Variants in CYP2C19 observed in about 807,000 individuals in gnomAD.
CYP2C19 encodes cytochrome P450 2C19.
Under a neutral mutation model 40.9 loss-of-function variants are expected in CYP2C19, and 59 were observed. The ratio of observed to expected loss-of-function variants is 1.44; its 90% CI spans 1.17 to 1.79. The LOEUF is 1.79. Among genes scored for constraint, CYP2C19 ranks in the 40% most tolerant of loss-of-function variants. The pLI is 0.00. For missense variants in CYP2C19, 754 were observed against 596.9 expected, an observed-to-expected ratio of 1.26 and a Z score of -2.74; for synonymous variants, 253 against 208.7, an observed-to-expected ratio of 1.21 and a Z score of -1.83.
intron 5 of CYP2C19, among the ~76,000 whole-genome samples, chr10:94,809,454 T>C (rs1848882473): frequency 6.6e-6 from 1 of 152,156 alleles, no homozygotes. Flanking sequence ...ATCCCATTTG[T>C]CCATTTTTAC....
intron 7 of CYP2C19, among the ~76,000 whole-genome samples, chr10:94,849,165 T>G (rs1013309759): frequency 6.6e-6 from 1 of 151,852 alleles, no homozygotes; most frequent in Non-Finnish European, 1.5e-5. Context: ...CTTTAAGTCA[T>G]AGTCTACACA....
chr10:94,772,336 G>C (rs985395994), intron 1 of CYP2C19, among the ~76,000 whole-genome samples: 1 of 152,072 alleles, frequency 6.6e-6, no homozygotes, highest in African/African-American at 2.4e-5. Flanking sequence ...GTGAGCCCGG[G>C]TGCCTAAAGA....
At chr10:94,801,013 C>A (rs935949460) in intron 5 of CYP2C19, among the ~76,000 whole-genome samples, 13 of 152,180 alleles carry the variant, frequency 8.5e-5, no homozygotes, top group Admixed American at 4.6e-4. Flanking sequence ...AGCTCACCCT[C>A]CATGGGCTGC....
chr10:94,830,095 C>A (rs1353232536), intron 6 of CYP2C19, among the ~76,000 whole-genome samples: 1 of 152,172 alleles, frequency 6.6e-6, no homozygotes, highest in African/African-American at 2.4e-5. Context: ...GCAGAGGTTA[C>A]TGCTGTCTTT....
At chr10:94,833,671 C>G (rs1313415147) in intron 6 of CYP2C19, among the ~76,000 whole-genome samples, 1 of 152,176 alleles carries the variant, frequency 6.6e-6, no homozygotes, top group Non-Finnish European at 1.5e-5. Context: ...AATTGGAAAT[C>G]ATCATTCTCA....
intron 5 of CYP2C19, among the ~76,000 whole-genome samples, chr10:94,803,718 A>G (rs1194816204): frequency 2.0e-5 from 3 of 152,074 alleles, no homozygotes; most frequent in Admixed American, 2.0e-4. Flanking sequence ...AAGGGAGGGG[A>G]GAGTTGGTGG....
intron 7 of CYP2C19, among the ~76,000 whole-genome samples, chr10:94,847,182 T>G (rs1283067071): frequency 6.6e-6 from 1 of 152,130 alleles, no homozygotes; most frequent in Non-Finnish European, 1.5e-5. Context: ...ACCCATTAAC[T>G]TGTCATTTAG....
At chr10:94,836,496 T>A (rs957504878) in intron 6 of CYP2C19, among the ~76,000 whole-genome samples, 5 of 152,216 alleles carry the variant, frequency 3.3e-5, no homozygotes, top group Non-Finnish European at 7.3e-5. Flanking sequence ...GCCACTTCTG[T>A]TTCAGGTGTC....
intron 5 of CYP2C19, among the ~76,000 whole-genome samples, chr10:94,807,587 C>A (rs1206518499): frequency 2.6e-5 from 4 of 152,098 alleles, no homozygotes; most frequent in Non-Finnish European, 5.9e-5. Context: ...GCAATTCTAA[C>A]TGGAGTGAGC....
chr10:94,812,204 C>T (rs1848936477), intron 5 of CYP2C19, among the ~76,000 whole-genome samples: 1 of 152,138 alleles, frequency 6.6e-6, no homozygotes, highest in Non-Finnish European at 1.5e-5. Flanking sequence ...ATATTGGCCC[C>T]CACTCTCCTC....
intron 6 of CYP2C19, among the ~76,000 whole-genome samples, chr10:94,831,393 C>T (rs1433778731): frequency 6.6e-6 from 1 of 152,030 alleles, no homozygotes; most frequent in East Asian, 1.9e-4. Flanking sequence ...GGGTATATAC[C>T]CAGTAGTAGG....
chr10:94,782,031 G>T, intron 5 of CYP2C19, 34 bp downstream of exon 5: 1 of 1,496,300 alleles, frequency 6.7e-7, no homozygotes, highest in Non-Finnish European at 8.9e-7. Context: ...TTATGTGACT[G>T]CTTGCGTATT....
At chr10:94,800,116 T>C (rs1848743649) in intron 5 of CYP2C19, among the ~76,000 whole-genome samples, 3 of 152,224 alleles carry the variant, frequency 2.0e-5, no homozygotes, top group Non-Finnish European at 2.9e-5. Flanking sequence ...TTTTCTGCTC[T>C]GGTCTCTCCC....
chr10:94,812,020 T>C (rs1340374947), intron 5 of CYP2C19, among the ~76,000 whole-genome samples: 1 of 152,210 alleles, frequency 6.6e-6, no homozygotes, highest in African/African-American at 2.4e-5. Flanking sequence ...TCCCAGTTGA[T>C]CCTTTCCATA....
At chr10:94,820,682 T>A (rs2134268648) in intron 6 of CYP2C19, 45 bp downstream of exon 6, 2 of 1,612,146 alleles carry the variant, frequency 1.2e-6, no homozygotes, top group East Asian at 4.5e-5. Context: ...GGAAAGATGT[T>A]GGGAAGGTGC....
At chr10:94,852,142 A>G (rs1433736673) in intron 8 of CYP2C19, among the ~76,000 whole-genome samples, 1 of 152,140 alleles carries the variant, frequency 6.6e-6, no homozygotes, top group Non-Finnish European at 1.5e-5. Flanking sequence ...AAAATGTGAT[A>G]CGGATCATCA....
chr10:94,790,962 C>T (rs930152003), intron 5 of CYP2C19, among the ~76,000 whole-genome samples: 1 of 152,030 alleles, frequency 6.6e-6, no homozygotes, highest in East Asian at 1.9e-4. Context: ...CTCTTTGTAC[C>T]TCTGGTGGAA....
At chr10:94,847,176 A>G (rs529822141) in intron 7 of CYP2C19, among the ~76,000 whole-genome samples, 1 of 152,218 alleles carries the variant, frequency 6.6e-6, no homozygotes, top group Non-Finnish European at 1.5e-5. Flanking sequence ...TGCTGCACCC[A>G]TTAACTTGTC....
chr10:94,774,732 G>A (rs1848383141), intron 1 of CYP2C19: 3 of 290,666 alleles, frequency 1.0e-5, no homozygotes, highest in Middle Eastern at 1.2e-3. Context: ...CTGTATATTA[G>A]CTGTGGGACA....
Sources: allele counts gnomAD v4.1 joint callset (sites outside exome capture counted in the v4.1 genomes callset), GRCh38; gene constraint gnomAD v4.1.1; transcripts MANE v1.5; gene names NCBI Gene and HGNC (gene_info 2026-07-23, HGNC 2026-07-21).